RNF19A: variants seen among roughly 807,000 people sequenced by gnomAD.
The protein encoded by RNF19A is ring finger protein 19A, RBR E3 ubiquitin protein ligase.
Under a neutral mutation model 75.7 loss-of-function variants are expected in RNF19A, and 32 were observed. That is an observed-to-expected ratio of 0.42 (90% confidence interval 0.32 to 0.57). The LOEUF is 0.57. RNF19A is among the 20% of genes least tolerant of loss of function. The pLI, the probability that RNF19A is intolerant of heterozygous loss-of-function variation, is 0.10. For synonymous variants in RNF19A, 335 were observed against 345.2 expected, an observed-to-expected ratio of 0.97 and a Z score of 0.33; for missense variants, 782 against 1,036.3, an observed-to-expected ratio of 0.75 and a Z score of 3.37.
Position 100,264,789 on chromosome 8 carries a change from G to A in RNF19A, c.1192-4C>T, listed in dbSNP as rs1819893511. 2 of 1,603,164 alleles carry A rather than the reference G, an allele frequency of 1.2e-6. No homozygotes were observed. The highest frequency in any genetic ancestry group is 1.3e-5 in the African/African-American group (1 of 74,620). ...TGCCTTCATAGCGATTGTGAATCTT[G>A]AATTAATAAAAATAGGGGTGGGGGA... On this transcript the variant is annotated splice_polypyrimidine_tract_variant and splice_region_variant and intron_variant, in intron 5 of 9. Coordinates refer to ENST00000341084, the MANE Select transcript of RNF19A (RefSeq NM_183419.4). This position sits in a 1 kb window ranked among gnomAD's most constrained non-coding sequence, Gnocchi z 4.7.
intron 1 of RNF19A, among the ~76,000 whole-genome samples, chr8:100,321,346 C>G (rs1373995037): frequency 6.6e-6 from 1 of 152,244 alleles, no homozygotes; most frequent in Non-Finnish European, 1.5e-5. Flanking sequence ...TAGATTCCAT[C>G]TAAAGAAACT....
At chr8:100,305,405 G>C (rs1407988227) in intron 1 of RNF19A, among the ~76,000 whole-genome samples, 2 of 152,174 alleles carry the variant, frequency 1.3e-5, no homozygotes, top group Non-Finnish European at 2.9e-5. Context: ...TCTGCAGAAA[G>C]AAACATGTCA....
chr8:100,324,905 C>T lies in RNF19A; in HGVS notation c.-243+11203G>A, dbSNP rs1466274009. Among the ~76,000 whole-genome samples the T allele has an allele frequency of 3.4e-5, 5 of 147,418 alleles. No individual in the cohort carries two copies. Among genetic ancestry groups the T allele is most frequent in the South Asian group, 2.1e-4 (1 of 4,668 alleles). On this transcript the variant is annotated intron_variant, in intron 1 of 3. Coordinates refer to the RNF19A transcript ENST00000519527. The surrounding 1 kb of genome is among the most constrained non-coding windows in gnomAD (Gnocchi z 4.2). ...TCTTTCTTTCTCTCTCTCTCTTTCT[C>T]TCTTTCTTTCTTTCTTTTCTTGATA... is the stretch of plus-strand genomic sequence containing the variant.
intron 1 of RNF19A, among the ~76,000 whole-genome samples, chr8:100,302,429 C>T (rs1821876504): frequency 6.6e-6 from 1 of 152,146 alleles, no homozygotes; most frequent in South Asian, 2.1e-4. Context: ...GGCTATGAAA[C>T]ACAAGTTTTA....
chr8:100,299,919 C>A (rs181699764), intron 1 of RNF19A, among the ~76,000 whole-genome samples: 157 of 152,280 alleles, frequency 1.0e-3, no homozygotes, highest in Non-Finnish European at 1.9e-3. Context: ...TAAAGGACAC[C>A]ATGAGTAAGG....
At chr8:100,281,458 C>T (rs1007438520) in intron 2 of RNF19A, among the ~76,000 whole-genome samples, 1 of 152,012 alleles carries the variant, frequency 6.6e-6, no homozygotes. Context: ...TTTCATAGTA[C>T]TATGTTTTAT....
Position 100,259,265 on chromosome 8 carries a change from A to G in RNF19A, c.1827-19T>C. 1 of 1,573,220 alleles carries G rather than the reference A, an allele frequency of 6.4e-7. No homozygotes were observed. Among genetic ancestry groups the G allele is most frequent in the Admixed American group, 1.8e-5 (1 of 57,074 alleles). ...GCCTTCTCTGAAATATAAGAGTAAC[A>G]AATACAAACATAATTGCTGACTTCT... On this transcript the variant is annotated intron_variant, in intron 9 of 9. Transcript: ENST00000341084. This position sits in a 1 kb window ranked among gnomAD's most constrained non-coding sequence, Gnocchi z 4.5.
rs926350913 is a variant in RNF19A at position 100,299,259 on chromosome 8, T to C, written c.-94+10608A>G. The stretch of plus-strand genomic sequence containing the variant: ...ACTATGATAATAATATACAAATATA[T>C]AGGCAGTTTTAATATACAGAATACT... On this transcript the variant is annotated intron_variant, in intron 1 of 9. Transcript: ENST00000341084. Among the ~76,000 whole-genome samples, 5 of 152,184 alleles carry C rather than the reference T, an allele frequency of 3.3e-5. No individual in the cohort carries two copies. In the East Asian group the frequency reaches 9.6e-4, roughly 29 times the overall value.
In RNF19A at chr8:100,260,315, A is replaced by G. The variant is rs376046271; in HGVS notation, c.1683-318T>C. ...TGGCACTTTGTAATGTTTCAATGCA[A>G]AACACAAAGTTAGAATACATTATTA... On this transcript the variant is annotated intron_variant, in intron 8 of 9. Transcript: ENST00000341084. The surrounding 1 kb of genome is among the most constrained non-coding windows in gnomAD (Gnocchi z 4.1). Among the ~76,000 whole-genome samples, 12 of 152,368 alleles carry G rather than the reference A, an allele frequency of 7.9e-5. No individual in the cohort carries two copies. Among genetic ancestry groups the G allele is most frequent in the East Asian group, 3.9e-4 (2 of 5,190 alleles).
chr8:100,262,444 C>G (rs1275611981), intron 7 of RNF19A, among the ~76,000 whole-genome samples: 1 of 151,764 alleles, frequency 6.6e-6, no homozygotes. Context: ...AAAGAGTATT[C>G]CAGACAGAGA....
At position 100,302,271 on chromosome 8, in the gene RNF19A, A is replaced by G. The variant is rs773627654; in HGVS notation, c.-94+7596T>C. Among the ~76,000 whole-genome samples the G allele has an allele frequency of 7.9e-5, 12 of 152,370 alleles. 1 individual carries two copies. The South Asian group carries it at 2.5e-3, about 32-fold the overall frequency. On this transcript the variant is annotated intron_variant, in intron 1 of 9. Transcript: ENST00000341084. ...AGAACAGTTTAAAGACTACTGAAGT[A>G]ATCTATGAGAAAGATGACGATGGCA...
intron 1 of RNF19A, among the ~76,000 whole-genome samples, chr8:100,307,547 CA>C (rs148803630): frequency 4.8e-5 from 7 of 145,474 alleles, no homozygotes; most frequent in Admixed American, 6.9e-5. Flanking sequence ...ACTGCCGCAA[CA>C]AAAAAAAAAC....
intron 2 of RNF19A, among the ~76,000 whole-genome samples, chr8:100,286,534 C>T (rs919734643): frequency 6.6e-6 from 1 of 152,120 alleles, no homozygotes; most frequent in Non-Finnish European, 1.5e-5. Context: ...AGGCAGGAAA[C>T]ACTACTTTTC....
rs1380219685 is a variant in RNF19A at position 100,323,760 on chromosome 8, T to G, written c.-242-10388A>C. Among the ~76,000 whole-genome samples the G allele has an allele frequency of 6.6e-6, 1 of 152,204 alleles. No homozygotes were observed. The highest frequency in any genetic ancestry group is 1.5e-5 in the Non-Finnish European group (1 of 68,032). ...CATATAATAACTTGAACATATCAGC[T>G]GATATTTAGGGCTGGAAGGGAAAAT... On this transcript the variant is annotated intron_variant, in intron 1 of 3. Transcript: ENST00000519527. This position sits in a 1 kb window ranked among gnomAD's most constrained non-coding sequence, Gnocchi z 4.6.
chr8:100,312,718 G>A (rs1486093104), upstream of RNF19A, among the ~76,000 whole-genome samples: 2 of 152,052 alleles, frequency 1.3e-5, no homozygotes, highest in Non-Finnish European at 2.9e-5. Context: ...GAGGCCAGGA[G>A]TTTGATACCA....
chr8:100,295,387 C>T (rs1022655528), intron 1 of RNF19A, among the ~76,000 whole-genome samples: 1 of 151,970 alleles, frequency 6.6e-6, no homozygotes, highest in Admixed American at 6.6e-5. Context: ...TTAAGTTGCA[C>T]AAAAGAAATC....
At chr8:100,298,347 A>G (rs1821670316) in intron 1 of RNF19A, among the ~76,000 whole-genome samples, 1 of 152,202 alleles carries the variant, frequency 6.6e-6, no homozygotes, top group African/African-American at 2.4e-5. Context: ...TATATAAATA[A>G]TGTACAGCTA....
intron 1 of RNF19A, among the ~76,000 whole-genome samples, chr8:100,308,414 T>C (rs906603948): frequency 9.9e-5 from 15 of 152,152 alleles, no homozygotes; most frequent in African/African-American, 3.6e-4. Flanking sequence ...GAAAGAACAT[T>C]TGAAAATACG....
chr8:100,300,929 G>A (rs1821794744), intron 1 of RNF19A, among the ~76,000 whole-genome samples: 3 of 152,164 alleles, frequency 2.0e-5, no homozygotes, highest in Admixed American at 6.5e-5. Flanking sequence ...AAAGGTCCCT[G>A]TGCTCATGTA....
Sources: allele counts gnomAD v4.1 joint callset (sites outside exome capture counted in the v4.1 genomes callset), GRCh38; gene constraint gnomAD v4.1.1; non-coding constraint Gnocchi (gnomAD v3.1); transcripts MANE v1.5; gene names NCBI Gene and HGNC (gene_info 2026-07-23, HGNC 2026-07-21).